The following CD33 variants were observed in gnomAD, a reference collection of about 807,000 sequenced individuals.
CD33 encodes the protein myeloid cell surface antigen CD33.
A neutral mutation model predicts 31.4 loss-of-function variants in CD33; 25 were observed. The observed-to-expected ratio is 0.80, with a 90% confidence interval of 0.58 to 1.11. CD33 has a LOEUF of 1.11. CD33 is among the 50% of genes most tolerant of loss of function. The probability of loss-of-function intolerance (pLI) is 0.00; values close to 1 mark genes in which losing one functional copy is unlikely to be tolerated. For missense variants in CD33, 407 were observed against 448.1 expected, an observed-to-expected ratio of 0.91 and a Z score of 0.83; for synonymous variants, 176 against 180.6, an observed-to-expected ratio of 0.97 and a Z score of 0.20.
chr19:51,213,834 C>T, the CD33 span, among the ~76,000 whole-genome samples: 3 of 149,616 alleles, frequency 2.0e-5, no homozygotes, highest in Non-Finnish European at 4.4e-5. Flanking sequence ...CTGCGCCCAG[C>T]CTCATTTTTC....
rs1332606122 is a variant in CD33, at chr19:51,239,772, A to G, written c.*84A>G. On this transcript the variant is annotated 3_prime_UTR_variant, in exon 7 of 7. Transcript: ENST00000262262. ...CCAAAGGCTGATTCTTGGAGATTTA[A>G]CACCCCACAGGCAATGGGTTTATAG... is the stretch of plus-strand genomic sequence containing the variant. The G allele has an allele frequency of 5.3e-6, 6 of 1,121,900 alleles. No homozygotes were observed. Among genetic ancestry groups the G allele is most frequent in the Non-Finnish European group, 7.7e-6 (6 of 780,808 alleles). The allele number at this position is 1,121,900 out of a possible 1,614,324, so 69.5% of individuals were successfully genotyped here. A position where few individuals can be genotyped will look rare whatever the true frequency, so the allele number is the denominator to read the frequency against.
chr19:51,211,985 G>A, the CD33 span: 2 of 1,166,548 alleles, frequency 1.7e-6, no homozygotes, highest in South Asian at 2.4e-5. Flanking sequence ...CATGGCCCCA[G>A]GACCACGGCA....
At chr19:51,226,141 G>T in intron 3 of CD33, 60 bp downstream of exon 3, 1 of 1,585,836 alleles carries the variant, frequency 6.3e-7, no homozygotes, top group Non-Finnish European at 8.6e-7. Context: ...GGATGGGCTG[G>T]TGCTGGGGAC....
upstream of CD33, among the ~76,000 whole-genome samples, chr19:51,222,243 T>C (rs2123145380): frequency 6.6e-6 from 1 of 152,320 alleles, no homozygotes; most frequent in Middle Eastern, 3.4e-3. Flanking sequence ...CAGGACAGTA[T>C]CATACGTCGA....
chr19:51,217,377 G>A, the CD33 span, among the ~76,000 whole-genome samples: 111 of 151,940 alleles, frequency 7.3e-4, no homozygotes, highest in African/African-American at 2.5e-3. Flanking sequence ...AAACTCCAAT[G>A]TCTTTTTTGT....
At position 51,225,289 on chromosome 19, in the gene CD33, G is replaced by A. The variant is rs771741922; in HGVS notation, c.109G>A (p.Val37Ile). ...ESVTVQEGLCVLVPCTFFHPI... is the reference protein window; with the variant it reads ...ESVTVQEGLCILVPCTFFHPI... ...AGTGACGGTACAGGAGGGTTTGTGC[G>A]TCCTCGTGCCCTGCACTTTCTTCCA... The change falls in exon 2 of 7, where the codon GTC becomes ATC. Residue 37 changes from valine (V) to isoleucine (I), a missense_variant. By Grantham distance (29) the Val-to-Ile change is conservative (BLOSUM62 3). Transcript: ENST00000262262. 8.7e-6 allele frequency: 14 copies of A among 1,614,024 alleles called. No individual in the cohort carries two copies. Among genetic ancestry groups the A allele is most frequent in the South Asian group, 5.5e-5 (5 of 91,082 alleles).
At chr19:51,236,418 G>T (rs530003054) in intron 6 of CD33, 41 of 159,204 alleles carry the variant, frequency 2.6e-4, no homozygotes, top group Admixed American at 5.3e-4. Context: ...TCTGGTACAT[G>T]GCCCTGGGTT....
chr19:51,232,501 C>T (rs1981490771), intron 4 of CD33, among the ~76,000 whole-genome samples: 1 of 152,142 alleles, frequency 6.6e-6, no homozygotes, highest in African/African-American at 2.4e-5. Flanking sequence ...TTTTCTACAC[C>T]TTTTCCATTC....
the CD33 span, among the ~76,000 whole-genome samples, chr19:51,219,113 A>G: frequency 2.0e-5 from 3 of 152,174 alleles, no homozygotes; most frequent in East Asian, 5.8e-4. Context: ...TGCTTTGGGC[A>G]GTACGGTCAT....
At chr19:51,236,017 A>G (rs916820863) in intron 6 of CD33, 10 of 573,012 alleles carry the variant, frequency 1.7e-5, no homozygotes, top group Non-Finnish European at 2.8e-5. Context: ...AATTAGCCAG[A>G]TGTGGTGGCT....
chr19:51,233,791 G>A (rs1054046232), intron 4 of CD33, among the ~76,000 whole-genome samples: 3 of 152,212 alleles, frequency 2.0e-5, no homozygotes, highest in African/African-American at 4.8e-5. Context: ...TCCTGTCTCT[G>A]GGACAAACCA....
the CD33 span, among the ~76,000 whole-genome samples, chr19:51,217,582 G>A: frequency 6.6e-6 from 1 of 151,712 alleles, no homozygotes; most frequent in African/African-American, 2.4e-5. Flanking sequence ...GCTAATTTTT[G>A]TTGTTGTTGT....
chr19:51,217,959 T>A, the CD33 span, among the ~76,000 whole-genome samples: 1 of 152,376 alleles, frequency 6.6e-6, no homozygotes, highest in East Asian at 1.9e-4. Context: ...TTAGGTTGAT[T>A]CCATATCTTT....
At chr19:51,223,552 A>G (rs1980791599), upstream of CD33, among the ~76,000 whole-genome samples, 1 of 152,218 alleles carries the variant, frequency 6.6e-6, no homozygotes, top group Non-Finnish European at 1.5e-5. Flanking sequence ...TGGAAATATT[A>G]TGTCTTTGGG....
the CD33 span, among the ~76,000 whole-genome samples, chr19:51,212,763 G>A: frequency 2.0e-5 from 3 of 152,060 alleles, no homozygotes; most frequent in Admixed American, 6.6e-5. Flanking sequence ...TTAGATGCCC[G>A]TCCTCCTCCC....
upstream of CD33, among the ~76,000 whole-genome samples, chr19:51,221,567 T>C (rs988348360): frequency 6.6e-6 from 1 of 152,162 alleles, no homozygotes; most frequent in Admixed American, 6.5e-5. Context: ...AAATGGCACA[T>C]CAACTTTGGA....
intron 4 of CD33, among the ~76,000 whole-genome samples, chr19:51,231,193 T>G (rs1206377368): frequency 6.6e-6 from 1 of 152,262 alleles, no homozygotes; most frequent in African/African-American, 2.4e-5. Context: ...CCTCACGTTC[T>G]CACTTGTCTA....
At chr19:51,215,660 T>G in the CD33 span, among the ~76,000 whole-genome samples, 2 of 152,186 alleles carry the variant, frequency 1.3e-5, no homozygotes, top group Non-Finnish European at 2.9e-5. Flanking sequence ...GAACCTCCCA[T>G]GTCCATCCCC....
intron 4 of CD33, among the ~76,000 whole-genome samples, chr19:51,231,767 T>TTA (rs1491346160): frequency 2.2e-5 from 3 of 137,024 alleles, no homozygotes; most frequent in Non-Finnish European, 4.8e-5. Flanking sequence ...ATTTTTATTA[T>TTA]TTTTTTTTTG....
Sources: gnomAD v4.1 joint callset for allele counts (sites outside exome capture counted in the v4.1 genomes callset) on GRCh38, gnomAD v4.1.1 for gene constraint, MANE v1.5 for transcripts, NCBI Gene and HGNC (gene_info 2026-07-23, HGNC 2026-07-21) for gene names.